Variants in ERMP1 observed in about 807,000 individuals in gnomAD.
ERMP1 encodes the protein Felix-ina.
ERMP1 carries 86 observed loss-of-function variants against 92.0 expected under a neutral mutation model. The ratio of observed to expected loss-of-function variants is 0.93; its 90% confidence interval spans 0.79 to 1.12. The LOEUF is 1.12. Ranked by LOEUF, ERMP1 falls within the 50% of genes most tolerant of loss-of-function variation. The probability of loss-of-function intolerance (pLI) is 0.00; values close to 1 mark genes in which losing one functional copy is unlikely to be tolerated. For missense variants in ERMP1, 1,342 were observed against 1,116.3 expected (o/e 1.20, Z -2.88); for synonymous variants, 530 against 412.8 (o/e 1.28, Z -3.44).
chr9:5,814,529 G>C (rs1037741636), intron 4 of ERMP1, among the ~76,000 whole-genome samples: 2 of 152,166 alleles, frequency 1.3e-5, no homozygotes, highest in African/African-American at 4.8e-5. Flanking sequence ...GAGCACCTGA[G>C]GTCAGGCATT....
intron 4 of ERMP1, among the ~76,000 whole-genome samples, chr9:5,820,825 A>T (rs1309145878): frequency 6.6e-6 from 1 of 152,216 alleles, no homozygotes; most frequent in Non-Finnish European, 1.5e-5. Context: ...TCTTTTAGTC[A>T]AACATGAAAA....
At position 5,830,996 on chromosome 9, in the gene ERMP1, G is replaced by T; in HGVS notation, c.371C>A (p.Pro124His). The change falls in exon 2 of 15, where the codon CCC (proline) becomes CAC (histidine). Residue 124 changes from proline (P) to histidine (H), a missense_variant. By Grantham distance (77) the Pro-to-His change is moderately conservative. Transcript: ENST00000339450. ...DYLEHITSIG[P>H]RTTGSPENEI... The stretch of plus-strand genomic sequence containing the variant: ...ATTTTCTGGACTTCCTGTAGTCCTG[G>T]GGCCAATGGAGGTTATGTGTTCAAG... The T allele has an allele frequency of 1.2e-6, 2 of 1,613,930 alleles. No individual in the cohort carries two copies. The highest frequency in any genetic ancestry group is 1.7e-6 in the Non-Finnish European group (2 of 1,179,864).
At chr9:5,790,180 T>TC (rs1343598072) in intron 13 of ERMP1, among the ~76,000 whole-genome samples, 1 of 149,668 alleles carries the variant, frequency 6.7e-6, no homozygotes, top group South Asian at 2.1e-4. Context: ...TTTTTTTTTT[T>TC]TTTTTTTTTT....
intron 6 of ERMP1, among the ~76,000 whole-genome samples, chr9:5,858,027 T>G (rs1830402683): frequency 1.3e-5 from 2 of 152,190 alleles, no homozygotes. Context: ...ATCTTTGTCC[T>G]GGCATAACTT....
chr9:5,848,928 T>C (rs1241760418), intron 6 of ERMP1, among the ~76,000 whole-genome samples: 2 of 152,178 alleles, frequency 1.3e-5, no homozygotes, highest in Non-Finnish European at 2.9e-5. Flanking sequence ...TATGGTTAGA[T>C]GGGGGTTCTG....
intron 6 of ERMP1, among the ~76,000 whole-genome samples, chr9:5,851,934 T>G (rs1830311692): frequency 6.6e-6 from 1 of 152,236 alleles, no homozygotes. Context: ...TCATTTTTTC[T>G]GCCATTAAAA....
At chr9:5,800,863 A>G (rs989744836) in intron 11 of ERMP1, among the ~76,000 whole-genome samples, 9 of 152,222 alleles carry the variant, frequency 5.9e-5, no homozygotes, top group African/African-American at 1.2e-4. Context: ...TTTACAATCT[A>G]TATTTCTAAA....
rs776452424 is a variant in ERMP1, at chr9:5,787,555, C to G, written c.2425G>C (p.Gly809Arg). ...HMSFYVRAHK[G>R]STLSQWSLGN... ...AGAGACCACTGAGAAAGTGTTGACC[C>G]TTTGTGGGCTCGAACATAGAAGGAC... Residue 809 changes from glycine (G) to arginine (R), a missense_variant, in exon 14 of 15, where the codon GGG (glycine) becomes CGG (arginine). By Grantham distance (125) the Gly-to-Arg change is moderately radical. Transcript: ENST00000339450. 1.9e-6 allele frequency: 3 copies of G among 1,613,990 alleles called. No homozygotes were observed. Among genetic ancestry groups the G allele is most frequent in the Non-Finnish European group, 1.7e-6 (2 of 1,179,938 alleles).
intron 13 of ERMP1, among the ~76,000 whole-genome samples, chr9:5,791,581 G>T (rs1011743710): frequency 6.6e-6 from 1 of 151,618 alleles, no homozygotes; most frequent in Non-Finnish European, 1.5e-5. Flanking sequence ...CATTAGAAAG[G>T]GAGAGACCAT....
chr9:5,785,395 G>A lies in ERMP1; in HGVS notation c.*1749C>T, dbSNP rs1827894603. The A allele has an allele frequency of 1.3e-5, 2 of 152,240 alleles. No homozygotes were observed. The highest frequency in any genetic ancestry group is 4.8e-5 in the African/African-American group (2 of 41,530). The allele number at this position is 152,240 out of a possible 1,614,324, so 9.4% of individuals were successfully genotyped here. On this transcript the variant is annotated 3_prime_UTR_variant, in exon 15 of 15. Transcript: ENST00000339450. Reference sequence around the variant, plus strand: ...TGATTCTATACAAAATATAAACCCTGCAAACCTTATGTGCTACCTGACAGA... The same window carrying A: ...TGATTCTATACAAAATATAAACCCTACAAACCTTATGTGCTACCTGACAGA...
intron 4 of ERMP1, among the ~76,000 whole-genome samples, chr9:5,823,615 G>A (rs1156455871): frequency 6.6e-6 from 1 of 152,140 alleles, no homozygotes; most frequent in African/African-American, 2.4e-5. Context: ...TAAAATGGAA[G>A]TAACAGTACT....
At chr9:5,842,862 T>C (rs1161149836) in intron 6 of ERMP1, among the ~76,000 whole-genome samples, 3 of 152,252 alleles carry the variant, frequency 2.0e-5, no homozygotes, top group African/African-American at 7.2e-5. Flanking sequence ...GCTGATTCTT[T>C]AGAAAAGGCT....
chr9:5,847,849 G>A (rs1466097264), intron 6 of ERMP1, among the ~76,000 whole-genome samples: 4 of 151,364 alleles, frequency 2.6e-5, no homozygotes, highest in African/African-American at 9.7e-5. Context: ...GAGTCGAGAT[G>A]GCACCGCTGT....
rs907303293 is a variant in ERMP1 at position 5,820,738 on chromosome 9, T to C, written c.874+3158A>G. Reference sequence around the variant, plus strand: ...ATATTATCACACAGAAAAAGGAGTATGGTTTAAAAAGCTGAGGACAGCACA... The same window carrying C: ...ATATTATCACACAGAAAAAGGAGTACGGTTTAAAAAGCTGAGGACAGCACA... On this transcript the variant is annotated intron_variant, in intron 4 of 14. Transcript: ENST00000339450. Among the ~76,000 whole-genome samples the C allele has an allele frequency of 5.3e-5, 8 of 152,274 alleles. No homozygotes were observed. In the South Asian group the frequency reaches 1.5e-3, roughly 28 times the overall value.
Position 5,811,321 on chromosome 9 carries a change from C to T in ERMP1, c.1117G>A (p.Asp373Asn), listed in dbSNP as rs1436354752. 6.3e-7 allele frequency: 1 copy of T among 1,580,252 alleles called. No homozygotes were observed. Among genetic ancestry groups the T allele is most frequent in the Non-Finnish European group, 8.6e-7 (1 of 1,160,630 alleles). The change falls in exon 7 of 15, where the codon GAC (aspartate) becomes AAC (asparagine). Residue 373 changes from aspartate to asparagine, a missense_variant and splice_region_variant. By Grantham distance (23) the Asp-to-Asn change is conservative. Transcript: ENST00000339450. Reference sequence around the variant, plus strand: ...TGCTTAAGAACTGCTAAAATGTTGTCACCTATTAGTAAAAACAAAAAAAAA... The same window carrying T: ...TGCTTAAGAACTGCTAAAATGTTGTTACCTATTAGTAAAAACAAAAAAAAA... ...ILTDSIQRAG[D>N]NILAVLKHLA...
chr9:5,821,500 G>A (rs1829534619), intron 4 of ERMP1, among the ~76,000 whole-genome samples: 1 of 152,120 alleles, frequency 6.6e-6, no homozygotes, highest in African/African-American at 2.4e-5. Context: ...GGCTGCCCAG[G>A]CCTACCAAAA....
chr9:5,827,802 G>A (rs891613717), intron 2 of ERMP1, among the ~76,000 whole-genome samples: 9 of 151,104 alleles, frequency 6.0e-5, no homozygotes, highest in African/African-American at 9.8e-5. Flanking sequence ...GGGCGAGAGC[G>A]AGACTCCGTC....
chr9:5,842,978 GCT>G (rs1272166259), intron 6 of ERMP1, among the ~76,000 whole-genome samples: 6 of 152,204 alleles, frequency 3.9e-5, no homozygotes, highest in Non-Finnish European at 8.8e-5. Flanking sequence ...TCTTTAAGAA[GCT>G]CCACAAAGTT....
intron 2 of ERMP1, among the ~76,000 whole-genome samples, chr9:5,830,130 G>A (rs1020056050): frequency 3.3e-5 from 5 of 152,068 alleles, no homozygotes; most frequent in Admixed American, 6.6e-5. Context: ...CCGCCAACCC[G>A]CAGCCCAGGA....
Sources: gnomAD v4.1 joint callset for allele counts (sites outside exome capture counted in the v4.1 genomes callset) on GRCh38, gnomAD v4.1.1 for gene constraint, MANE v1.5 for transcripts, NCBI Gene and HGNC (gene_info 2026-07-23, HGNC 2026-07-21) for gene names.